The following C9 variants were observed in gnomAD, a reference collection of about 807,000 sequenced individuals.
C9 encodes complement C9, also known as complement component C9.
Under a neutral mutation model 65.4 loss-of-function variants are expected in C9, and 63 were observed. The ratio of observed to expected loss-of-function variants is 0.96; its 90% CI spans 0.79 to 1.19. The LOEUF is 1.19. C9 is among the 50% of genes most tolerant of loss of function. C9 has a pLI of 0.00. For synonymous variants in C9, 229 were observed against 227.9 expected (o/e 1.00, Z -0.04); for missense variants, 744 against 670.1 (o/e 1.11, Z -1.22).
At chr5:39,353,231 C>G (rs1234777457) in intron 1 of C9, among the ~76,000 whole-genome samples, 1 of 152,180 alleles carries the variant, frequency 6.6e-6, no homozygotes, top group Admixed American at 6.5e-5. Context: ...CCTGCCAACA[C>G]CTTGATTTTA....
chr5:39,304,307 AC>A, intron 9 of C9, among the ~76,000 whole-genome samples: 1 of 152,268 alleles, frequency 6.6e-6, no homozygotes, highest in South Asian at 2.1e-4. Context: ...TTTAATATTG[AC>A]CAGTTTATAG....
chr5:39,285,212 G>A lies in C9; in HGVS notation c.1667C>T (p.Pro556Leu). ...AAGCCAACAGCTCTATTTTTCATTG[G>A]GGAACTCTAGGGCTGGCAATCCTAG... ...ISEGLPALEF[P>L]NEK Residue 556 changes from proline to leucine, a missense_variant, in exon 11 of 11, where the codon CCC (proline) becomes CTC (leucine). Pro to Leu is a moderately conservative substitution (Grantham distance 98, BLOSUM62 -3). Coordinates refer to ENST00000263408, the MANE Select transcript of C9 (RefSeq NM_001737.5). 6.2e-7 allele frequency: 1 copy of A among 1,612,804 alleles called. No individual in the cohort carries two copies. The highest frequency in any genetic ancestry group is 8.5e-7 in the Non-Finnish European group (1 of 1,179,030).
Position 39,341,202 on chromosome 5 carries a change from G to A in C9, c.420C>T (p.Pro140=). 1 of 1,614,122 alleles carries A rather than the reference G, an allele frequency of 6.2e-7. No individual in the cohort carries two copies. The highest frequency in any genetic ancestry group is 1.1e-5 in the South Asian group (1 of 91,076). The change falls in exon 4 of 11, where the codon CCC becomes CCT. Residue 140 remains proline, a synonymous_variant. Coordinates refer to ENST00000263408, the MANE Select transcript of C9 (RefSeq NM_001737.5). The part of the protein sequence containing the change: ...DEDDCESEPR[P]PCRDRVVEES... ...CTTCTACCACTCTGTCTCTGCAGGG[G>A]GGACGGGGCTCACTTTCACAATCAT...
chr5:39,306,829 A>T, intron 8 of C9, 37 bp from the exon 9 acceptor site: 1 of 1,479,238 alleles, frequency 6.8e-7, no homozygotes, highest in Non-Finnish European at 9.5e-7. Flanking sequence ...GAAGCAGAAG[A>T]AGTTTAAAGA....
At chr5:39,350,467 C>T (rs1290264842) in intron 1 of C9, among the ~76,000 whole-genome samples, 1 of 152,140 alleles carries the variant, frequency 6.6e-6, no homozygotes, top group Non-Finnish European at 1.5e-5. Context: ...ACTAAAAAGT[C>T]CAAGTTGAAA....
At chr5:39,345,812 C>A (rs1754181643) in intron 1 of C9, among the ~76,000 whole-genome samples, 1 of 152,156 alleles carries the variant, frequency 6.6e-6, no homozygotes, top group Admixed American at 6.5e-5. Context: ...GAAATTATAA[C>A]AAACTGTCTC....
chr5:39,321,999 T>A (rs562379102), intron 5 of C9, among the ~76,000 whole-genome samples: 91 of 152,198 alleles, frequency 6.0e-4, no homozygotes, highest in African/African-American at 2.1e-3. Flanking sequence ...TTAGTCCAAA[T>A]GGACCTAACA....
rs267600625 is a variant in C9 at position 39,341,659 on chromosome 5, C to T, written c.225G>A (p.Gly75=). Residue 75 remains glycine, a synonymous_variant, in exon 3 of 11, where the codon GGG becomes GGA. Transcript: ENST00000263408. ...CTCCCACAGCGTCGGTGCATCTTTT[C>T]CCATTAAATTGTCCAAAGACCTCAA... is the stretch of plus-strand genomic sequence containing the variant. ...RSIEVFGQFN[G]KRCTDAVGDR... 33 of 1,613,788 alleles carry T rather than the reference C, an allele frequency of 2.0e-5. No individual in the cohort carries two copies. Among genetic ancestry groups the T allele is most frequent in the Non-Finnish European group, 2.5e-5 (29 of 1,179,794 alleles).
chr5:39,337,419 C>CT (rs1327687960), intron 4 of C9, among the ~76,000 whole-genome samples: 1 of 152,234 alleles, frequency 6.6e-6, no homozygotes, highest in Non-Finnish European at 1.5e-5. Context: ...GGTTCCACTA[C>CT]TACAGAGACA....
At chr5:39,292,566 A>T (rs2111844330) in intron 9 of C9, among the ~76,000 whole-genome samples, 1 of 152,092 alleles carries the variant, frequency 6.6e-6, no homozygotes, top group East Asian at 1.9e-4. Context: ...TCTGAGCATA[A>T]CTAAAATGAA....
At chr5:39,310,824 T>C (rs1357786692) in intron 7 of C9, among the ~76,000 whole-genome samples, 1 of 152,202 alleles carries the variant, frequency 6.6e-6, no homozygotes, top group Non-Finnish European at 1.5e-5. Context: ...ATTATGTCTG[T>C]ACTTTCTTTC....
rs756170540 is a variant in C9, at chr5:39,306,671, G to A, written c.1362C>T (p.Asp454=). 1 of 1,613,744 alleles carries A rather than the reference G, an allele frequency of 6.2e-7. No homozygotes were observed. Among genetic ancestry groups the A allele is most frequent in the Non-Finnish European group, 8.5e-7 (1 of 1,179,702 alleles). Residue 454 remains aspartate (D), a synonymous_variant, in exon 9 of 11, where the codon GAC becomes GAT. Coordinates refer to ENST00000263408, the MANE Select transcript of C9 (RefSeq NM_001737.5). ...LLRGTVIDVT[D]FVNWASSIND... ...TTATGGAAGAGGCCCAGTTGACAAA[G>A]TCAGTCACATCAATCACGGTTCCTC...
chr5:39,286,936 A>G (rs1753000896), intron 10 of C9, among the ~76,000 whole-genome samples: 1 of 152,002 alleles, frequency 6.6e-6, no homozygotes, highest in Non-Finnish European at 1.5e-5. Flanking sequence ...ATATGGTTGA[A>G]TGATAAACGA....
rs974551106 is a variant in C9 at position 39,340,347 on chromosome 5, C to CCAACAAATCCACCTTTACCAAAAATAG, written c.476+772_476+798dup. 2.5e-3 allele frequency among the ~76,000 whole-genome samples: 381 copies of CCAACAAATCCACCTTTACCAAAAATAG among 151,440 alleles called. 2 individuals are homozygous for CCAACAAATCCACCTTTACCAAAAATAG. The highest frequency in any genetic ancestry group is 0.01 in the Middle Eastern group (3 of 294). On this transcript the variant is annotated intron_variant, in intron 4 of 10. Transcript: ENST00000263408. ...CCATGTCTTTGTTGGGGACAATTTT[C>CCAACAAATCCACCTTTACCAAAAATAG]CAACAAATCCACCTTTACCAAAAAT...
chr5:39,360,534 G>A lies in C9; in HGVS notation c.77+3854C>T, dbSNP rs539269438. On this transcript the variant is annotated intron_variant, in intron 1 of 10. Coordinates refer to ENST00000263408, the MANE Select transcript of C9 (RefSeq NM_001737.5). ...AGTCAAAGGAAGAATGACAAACTGG[G>A]AAAAATATGTGTAATTCATATCAGA... 7.9e-5 allele frequency among the ~76,000 whole-genome samples: 12 copies of A among 152,210 alleles called. No individual in the cohort carries two copies. The East Asian group carries it at 2.1e-3, about 27-fold the overall frequency.
intron 10 of C9, among the ~76,000 whole-genome samples, chr5:39,287,758 G>T (rs1753017749): frequency 6.6e-6 from 1 of 151,974 alleles, no homozygotes; most frequent in Non-Finnish European, 1.5e-5. Flanking sequence ...TCGCTTATAA[G>T]TGGGAGCTGA....
chr5:39,298,823 T>G (rs1753233188), intron 9 of C9, among the ~76,000 whole-genome samples: 1 of 151,894 alleles, frequency 6.6e-6, no homozygotes, highest in Non-Finnish European at 1.5e-5. Flanking sequence ...CTCATGAACA[T>G]ATTTGCAAAA....
intron 9 of C9, among the ~76,000 whole-genome samples, chr5:39,299,779 C>T (rs868076024): frequency 6.6e-6 from 1 of 151,552 alleles, no homozygotes; most frequent in Non-Finnish European, 1.5e-5. Context: ...AACCTAGGGC[C>T]CTTTACACTA....
rs555819680 is a variant in C9, at chr5:39,286,951, G to A, written c.1646-1718C>T. Reference sequence around the variant, plus strand: ...ATATGGTTGAATGATAAACGAGGCTGTGAACTTTGGCTACATAATTGTTTT... The same window carrying A: ...ATATGGTTGAATGATAAACGAGGCTATGAACTTTGGCTACATAATTGTTTT... On this transcript the variant is annotated intron_variant, in intron 10 of 10. Coordinates refer to ENST00000263408, the MANE Select transcript of C9 (RefSeq NM_001737.5). Among the ~76,000 whole-genome samples the A allele has an allele frequency of 9.2e-5, 14 of 152,080 alleles. No individual in the cohort carries two copies. The East Asian group carries it at 2.7e-3, about 29-fold the overall frequency.
Sources: gnomAD v4.1 joint callset for allele counts (sites outside exome capture counted in the v4.1 genomes callset) on GRCh38, gnomAD v4.1.1 for gene constraint, MANE v1.5 for transcripts, NCBI Gene and HGNC (gene_info 2026-07-23, HGNC 2026-07-21) for gene names.